SORBS2: variants seen among roughly 807,000 people sequenced by gnomAD.
SORBS2 encodes the protein sorbin and SH3 domain-containing protein 2.
Under a neutral mutation model 97.7 loss-of-function variants are expected in SORBS2, and 46 were observed. The ratio of observed to expected loss-of-function variants is 0.47; its 90% CI spans 0.37 to 0.60. SORBS2 has a LOEUF of 0.60. SORBS2 is among the 20% of genes least tolerant of loss of function. The pLI is 0.00. For missense variants in SORBS2, 1,316 were observed against 1,282.3 expected (o/e 1.03, Z -0.40); for synonymous variants, 476 against 473.4 (o/e 1.01, Z -0.07).
rs529441624 is a variant in SORBS2, at chr4:185,638,979, A to C, written c.396+7689T>G. 36 of 1,522,756 alleles carry C rather than the reference A, an allele frequency of 2.4e-5. No individual in the cohort carries two copies. In the East Asian group the frequency reaches 8.3e-4, roughly 35 times the overall value. The allele number at this position is 1,522,756 out of a possible 1,614,324, so 94.3% of individuals were successfully genotyped here. A position where few individuals can be genotyped will look rare whatever the true frequency, so the allele number is the denominator to read the frequency against. On this transcript the variant is annotated intron_variant, in intron 4 of 14. Coordinates refer to ENST00000418609, the Ensembl canonical transcript of SORBS2. Reference sequence around the variant, plus strand: ...TGACTTCTCCGAGTCGGGAGCTAGAAAGAGGCTTCCGGCCAGGTTCCCTTG... The same window carrying C: ...TGACTTCTCCGAGTCGGGAGCTAGACAGAGGCTTCCGGCCAGGTTCCCTTG...
intron 2 of SORBS2, among the ~76,000 whole-genome samples, chr4:185,766,884 C>CT (rs1289219046): frequency 5.3e-5 from 8 of 151,292 alleles, no homozygotes; most frequent in Admixed American, 2.0e-4. Context: ...AATTCAATCT[C>CT]TTTTTTTTTC....
chr4:185,894,936 G>A (rs553011072), intron 1 of SORBS2, among the ~76,000 whole-genome samples: 64 of 152,288 alleles, frequency 4.2e-4, no homozygotes, highest in African/African-American at 1.3e-3. Context: ...TGACTGAGCC[G>A]GGGATGCCTC....
chr4:185,847,481 G>A (rs1209648967), intron 1 of SORBS2, among the ~76,000 whole-genome samples: 1 of 152,078 alleles, frequency 6.6e-6, no homozygotes, highest in Non-Finnish European at 1.5e-5. Flanking sequence ...TTATAGCTCA[G>A]AATCCATCCT....
chr4:185,897,075 G>A (rs552485926), intron 1 of SORBS2, among the ~76,000 whole-genome samples: 17 of 151,946 alleles, frequency 1.1e-4, no homozygotes, highest in South Asian at 2.1e-4. Context: ...TCTGCCTTCC[G>A]GTTCCTCAGC....
At chr4:185,790,395 C>T (rs1263970372) in intron 1 of SORBS2, among the ~76,000 whole-genome samples, 1 of 152,196 alleles carries the variant, frequency 6.6e-6, no homozygotes, top group Non-Finnish European at 1.5e-5. Context: ...ATTCCCAATT[C>T]TCACTCACAT....
chr4:185,615,407 G>A (rs1462598771), intron 9 of SORBS2, among the ~76,000 whole-genome samples: 1 of 152,096 alleles, frequency 6.6e-6, no homozygotes, highest in Non-Finnish European at 1.5e-5. Context: ...ATCACAGACA[G>A]ATTAATAAGA....
intron 1 of SORBS2, among the ~76,000 whole-genome samples, chr4:185,654,640 C>G (rs1410099303): frequency 6.6e-6 from 1 of 152,192 alleles, no homozygotes; most frequent in African/African-American, 2.4e-5. Flanking sequence ...ATGTCCCTTT[C>G]TAAAAGAAGT....
rs571087246 is a variant in SORBS2, at chr4:185,606,313, A to T, written c.2796+5467T>A. On this transcript the variant is annotated intron_variant, in intron 12 of 14. Transcript: ENST00000418609. This position sits in a 1 kb window ranked among gnomAD's most constrained non-coding sequence, Gnocchi z 4.3. ...CTATCATTGTTAATATTGGAAGATT[A>T]CAAAGACTATATCAATTACAAAGAC... The T allele has an allele frequency of 1.0e-6, 1 of 976,426 alleles. No homozygotes were observed. The highest frequency in any genetic ancestry group is 4.7e-5 in the South Asian group (1 of 21,080). 60.5% of individuals were successfully genotyped at this position (976,426 alleles called of 1,614,324 possible). A position where few individuals can be genotyped will look rare whatever the true frequency, so the allele number is the denominator to read the frequency against.
At chr4:185,744,868 G>C (rs1583956051) in intron 2 of SORBS2, among the ~76,000 whole-genome samples, 1 of 152,334 alleles carries the variant, frequency 6.6e-6, no homozygotes, top group East Asian at 1.9e-4. Context: ...TTCACCCTAG[G>C]GAAGACCCTC....
At chr4:185,721,178 G>A (rs2098511368) in intron 2 of SORBS2, among the ~76,000 whole-genome samples, 1 of 140,916 alleles carries the variant, frequency 7.1e-6, no homozygotes, top group Non-Finnish European at 1.5e-5. Context: ...GGGTTCAAGT[G>A]ATTCTCCTGC....
chr4:185,906,995 G>T (rs1482333842), intron 1 of SORBS2, among the ~76,000 whole-genome samples: 1 of 152,102 alleles, frequency 6.6e-6, no homozygotes, highest in Non-Finnish European at 1.5e-5. Flanking sequence ...AATTAGCAGG[G>T]TGTGGTGGTG....
At chr4:185,640,084 T>C (rs2097101549) in intron 4 of SORBS2, among the ~76,000 whole-genome samples, 2 of 152,200 alleles carry the variant, frequency 1.3e-5, no homozygotes, top group African/African-American at 4.8e-5. Context: ...TTTGTTTCAA[T>C]ATTTTATAAT....
chr4:185,731,866 C>CTCTCTCTATA (rs1286500642), intron 2 of SORBS2, among the ~76,000 whole-genome samples: 4 of 24,686 alleles, frequency 1.6e-4, no homozygotes, highest in African/African-American at 1.8e-4. Context: ...CTCTCTCTCT[C>CTCTCTCTATA]TATATATATA....
intron 2 of SORBS2, among the ~76,000 whole-genome samples, chr4:185,770,102 G>A (rs942309236): frequency 2.8e-4 from 41 of 145,366 alleles, no homozygotes; most frequent in South Asian, 8.7e-4. Flanking sequence ...TTTTTGAGAC[G>A]AAGTCTCACC....
chr4:185,892,728 G>T (rs544064795), intron 1 of SORBS2, among the ~76,000 whole-genome samples: 1 of 152,160 alleles, frequency 6.6e-6, no homozygotes, highest in Non-Finnish European at 1.5e-5. Flanking sequence ...AGTCAAACTC[G>T]CAGAGACAGA....
At chr4:185,943,533 A>G (rs895831497) in intron 1 of SORBS2, among the ~76,000 whole-genome samples, 1 of 152,220 alleles carries the variant, frequency 6.6e-6, no homozygotes, top group Non-Finnish European at 1.5e-5. Context: ...CAATAAAGCA[A>G]TCACACAAAT....
In SORBS2 at chr4:185,752,726, T is replaced by C. The variant is rs568105334; in HGVS notation, c.-198+22501A>G. Among the ~76,000 whole-genome samples, 18 of 152,240 alleles carry C rather than the reference T, an allele frequency of 1.2e-4. No homozygotes were observed. The South Asian group carries it at 3.7e-3, about 32-fold the overall frequency. On this transcript the variant is annotated intron_variant, in intron 2 of 20. Transcript: ENST00000284776. The stretch of plus-strand genomic sequence containing the variant: ...TAATTCAGATAGAATAAGTGGAAAA[T>C]AACCTTAAAGAAGATTGAAAGAAGC...
At chr4:185,629,970 A>G (rs1225611654) in intron 5 of SORBS2, among the ~76,000 whole-genome samples, 7 of 152,074 alleles carry the variant, frequency 4.6e-5, no homozygotes, top group Non-Finnish European at 2.9e-5. Context: ...TCTTGCCTCA[A>G]TTTCTTTTTT....
intron 2 of SORBS2, among the ~76,000 whole-genome samples, chr4:185,729,709 C>T (rs148368039): frequency 1.4e-4 from 21 of 152,316 alleles, no homozygotes; most frequent in South Asian, 1.2e-3. Context: ...GACTCAGATT[C>T]CAGATGGTTC....
Sources: allele counts gnomAD v4.1 joint callset (sites outside exome capture counted in the v4.1 genomes callset), GRCh38; gene constraint gnomAD v4.1.1; non-coding constraint Gnocchi (gnomAD v3.1); transcripts MANE v1.5; gene names NCBI Gene and HGNC (gene_info 2026-07-23, HGNC 2026-07-21).